The following LPCAT2 variants were observed in gnomAD, a reference collection of about 807,000 sequenced individuals.
LPCAT2 encodes 1-AGP acyltransferase 11.
In LPCAT2, 58 loss-of-function variants were observed where a neutral mutation model predicts 64.7. The ratio of observed to expected loss-of-function variants is 0.90; its 90% CI spans 0.73 to 1.12. The LOEUF (loss-of-function observed/expected upper bound fraction) is 1.12, where lower values mean the gene tolerates loss of function less well. Ranked by LOEUF, LPCAT2 falls within the 50% of genes most tolerant of loss-of-function variation. The pLI is 0.00. For missense variants in LPCAT2, 579 were observed against 669.8 expected, an observed-to-expected ratio of 0.86 and a Z score of 1.50; for synonymous variants, 252 against 245.3, an observed-to-expected ratio of 1.03 and a Z score of -0.26.
chr16:55,534,354 A>T, intron 6 of LPCAT2, 89 bp from the exon 7 acceptor site: 3 of 797,606 alleles, frequency 3.8e-6, no homozygotes, highest in Non-Finnish European at 6.5e-6. Context: ...TTCAGAAAAA[A>T]TACATGAATC....
rs368590166 is a variant in LPCAT2 at position 55,528,411 on chromosome 16, C to T, written c.346C>T (p.Arg116Cys). Residue 116 changes from arginine to cysteine, a missense_variant, in exon 3 of 14, where the codon CGT becomes TGT. Arg to Cys is a radical substitution (Grantham distance 180, BLOSUM62 -3). Transcript: ENST00000262134. Reference protein sequence around the residue: ...ITQTALKFLGRAMFFSMGFIV... With the variant: ...ITQTALKFLGCAMFFSMGFIV... ...TCAAACAGCTTTGAAATTTCTGGGT[C>T]GTGCTATGTTCTTTTCAATGGGATT... 35 of 1,613,710 alleles carry T rather than the reference C, an allele frequency of 2.2e-5. No homozygotes were observed. Among genetic ancestry groups the T allele is most frequent in the Non-Finnish European group, 2.8e-5 (33 of 1,179,890 alleles).
At position 55,566,428 on chromosome 16, in the gene LPCAT2, G is replaced by A. The variant is rs1251304977; in HGVS notation, c.1216-8203G>A. 2.6e-5 allele frequency among the ~76,000 whole-genome samples: 4 copies of A among 152,074 alleles called. No homozygotes were observed. In the East Asian group the frequency reaches 5.8e-4, roughly 22 times the overall value. ...ATCATTTTTTAGGTGCTGAGACAGAGGACTAAGAAATCAATGACATAAAAA... is the reference window on the plus strand; with the variant it reads ...ATCATTTTTTAGGTGCTGAGACAGAAGACTAAGAAATCAATGACATAAAAA... On this transcript the variant is annotated intron_variant, in intron 11 of 13. Transcript: ENST00000262134.
chr16:55,551,570 A>G (rs1963518862), intron 11 of LPCAT2, among the ~76,000 whole-genome samples: 1 of 152,146 alleles, frequency 6.6e-6, no homozygotes, highest in Non-Finnish European at 1.5e-5. Context: ...AACCTGTATG[A>G]AGACCAAATA....
intron 1 of LPCAT2, among the ~76,000 whole-genome samples, chr16:55,512,129 T>C (rs1167611703): frequency 6.6e-6 from 1 of 152,236 alleles, no homozygotes; most frequent in African/African-American, 2.4e-5. Context: ...TTCTATATTA[T>C]AGTTCTGAAA....
intron 8 of LPCAT2, chr16:55,540,898 AT>A (rs1963387914): frequency 6.5e-6 from 1 of 154,544 alleles, no homozygotes; most frequent in Non-Finnish European, 1.4e-5. Context: ...TAATAATAAA[AT>A]AGAACAGTTG....
intron 13 of LPCAT2, among the ~76,000 whole-genome samples, chr16:55,579,929 CAA>C (rs1182058652): frequency 2.6e-5 from 4 of 152,076 alleles, no homozygotes; most frequent in Non-Finnish European, 5.9e-5. Context: ...GTCCACCCAT[CAA>C]AACAAGTTGC....
At position 55,551,045 on chromosome 16, in the gene LPCAT2, G is replaced by A. The variant is rs1963511694; in HGVS notation, c.1158G>A (p.Lys386=). ...GGRIGIEEFA[K]YLKLPVSDVL... Reference sequence around the variant, plus strand: ...GAATTGGAATTGAAGAATTCGCCAAGTATTTAAAGTTGCCTGTTTCAGATG... The same window carrying A: ...GAATTGGAATTGAAGAATTCGCCAAATATTTAAAGTTGCCTGTTTCAGATG... The change falls in exon 11 of 14, where the codon AAG becomes AAA. Residue 386 remains lysine, a synonymous_variant. Transcript: ENST00000262134. 6.2e-7 allele frequency: 1 copy of A among 1,612,996 alleles called. No homozygotes were observed. The highest frequency in any genetic ancestry group is 1.1e-5 in the South Asian group (1 of 91,000).
At chr16:55,541,833 T>G (rs188683359) in intron 8 of LPCAT2, 1 of 1,284,810 alleles carries the variant, frequency 7.8e-7, no homozygotes, top group African/African-American at 1.5e-5. Flanking sequence ...TTCTGTCTCA[T>G]CTAGATGTTT....
chr16:55,586,087 T>C lies in LPCAT2; in HGVS notation c.*2989T>C, dbSNP rs1403735260. On this transcript the variant is annotated 3_prime_UTR_variant, in exon 14 of 14. Transcript: ENST00000262134. ...TTTTTTCCTTTTCTGCTCATTTGAA[T>C]GAACTCAATTTTATGTTAAATTGTT... 1 of 152,076 alleles carries C rather than the reference T, an allele frequency of 6.6e-6. No individual in the cohort carries two copies. Among genetic ancestry groups the C allele is most frequent in the East Asian group, 1.9e-4 (1 of 5,192 alleles). The allele number at this position is 152,076 out of a possible 1,614,324, so 9.4% of individuals were successfully genotyped here.
At chr16:55,511,716 C>T (rs1962934865) in intron 1 of LPCAT2, among the ~76,000 whole-genome samples, 1 of 152,118 alleles carries the variant, frequency 6.6e-6, no homozygotes, top group Non-Finnish European at 1.5e-5. Context: ...TTATTTGTTG[C>T]AAACCTTGAA....
At chr16:55,535,608 A>G (rs1963313645) in intron 7 of LPCAT2, among the ~76,000 whole-genome samples, 1 of 152,222 alleles carries the variant, frequency 6.6e-6, no homozygotes, top group Non-Finnish European at 1.5e-5. Context: ...ACTAAAATAC[A>G]TGTTTCATGC....
At chr16:55,517,549 C>T (rs1284404566) in intron 1 of LPCAT2, among the ~76,000 whole-genome samples, 1 of 152,114 alleles carries the variant, frequency 6.6e-6, no homozygotes, top group Admixed American at 6.5e-5. Context: ...TAAAAGAAAA[C>T]TACAGACCAA....
At chr16:55,572,348 G>A (rs756363124) in intron 11 of LPCAT2, among the ~76,000 whole-genome samples, 7 of 152,138 alleles carry the variant, frequency 4.6e-5, no homozygotes, top group African/African-American at 1.7e-4. Flanking sequence ...GACAATCTAT[G>A]ATAGTAACTT....
chr16:55,550,943 G>T lies in LPCAT2; in HGVS notation c.1062-6G>T. The T allele has an allele frequency of 6.3e-7, 1 of 1,575,680 alleles. No homozygotes were observed. On this transcript the variant is annotated splice_region_variant and splice_polypyrimidine_tract_variant and intron_variant, in intron 10 of 13. Transcript: ENST00000262134. ...AACATGTATCTATAATTCTTTGTTT[G>T]TTTAGATTAGATTGGGATGGTGTTC...
rs770119944 is a variant in LPCAT2 at position 55,545,834 on chromosome 16, G to T, written c.935+17G>T. 2.6e-6 allele frequency: 4 copies of T among 1,545,582 alleles called. No individual in the cohort carries two copies. Among genetic ancestry groups the T allele is most frequent in the Non-Finnish European group, 3.5e-6 (4 of 1,129,692 alleles). On this transcript the variant is annotated intron_variant, in intron 9 of 13. Transcript: ENST00000262134. Reference sequence around the variant, plus strand: ...AATGGCAGAGTAAGTGTCTATATTTGATTATAACTCATAAATAATTTGAAA... The same window carrying T: ...AATGGCAGAGTAAGTGTCTATATTTTATTATAACTCATAAATAATTTGAAA...
At position 55,584,926 on chromosome 16, in the gene LPCAT2, C is replaced by T. The variant is rs561275820; in HGVS notation, c.*1828C>T. ...AGTACATTTTTATCAGAGTGTCTGTCATATGCAATGAATGTATGTAATACT... is the reference window on the plus strand; with the variant it reads ...AGTACATTTTTATCAGAGTGTCTGTTATATGCAATGAATGTATGTAATACT... On this transcript the variant is annotated 3_prime_UTR_variant, in exon 14 of 14. Transcript: ENST00000262134. 7 of 152,142 alleles carry T rather than the reference C, an allele frequency of 4.6e-5. No individual in the cohort carries two copies. The highest frequency in any genetic ancestry group is 2.0e-4 in the Admixed American group (3 of 15,286). 9.4% of individuals were successfully genotyped at this position (152,142 alleles called of 1,614,324 possible).
chr16:55,577,564 A>G (rs1326650427), intron 12 of LPCAT2, among the ~76,000 whole-genome samples: 1 of 152,188 alleles, frequency 6.6e-6, no homozygotes, highest in African/African-American at 2.4e-5. Context: ...GAGTTAGTAC[A>G]TGTAAAGTGA....
At chr16:55,510,524 ATAT>A (rs1962917388) in intron 1 of LPCAT2, among the ~76,000 whole-genome samples, 1 of 152,096 alleles carries the variant, frequency 6.6e-6, no homozygotes, top group Admixed American at 6.6e-5. Flanking sequence ...AAGCAGTATA[ATAT>A]TTGCAATCAG....
At position 55,516,031 on chromosome 16, in the gene LPCAT2, AC is replaced by A. The variant is rs559538910; in HGVS notation, c.171+6680del. Among the ~76,000 whole-genome samples the A allele has an allele frequency of 1.8e-4, 27 of 152,338 alleles. No homozygotes were observed. In the East Asian group the frequency reaches 4.6e-3, roughly 26 times the overall value. On this transcript the variant is annotated intron_variant, in intron 1 of 13. Transcript: ENST00000262134. ...ATTACATTAAATATAAACTGATAAAACAATTAAAATTAAGATTCACAGAATT... is the reference window on the plus strand; with the variant it reads ...ATTACATTAAATATAAACTGATAAAAAATTAAAATTAAGATTCACAGAATT...
Sources: allele counts gnomAD v4.1 joint callset (sites outside exome capture counted in the v4.1 genomes callset), GRCh38; gene constraint gnomAD v4.1.1; transcripts MANE v1.5; gene names NCBI Gene and HGNC (gene_info 2026-07-23, HGNC 2026-07-21).